Variants in FANCM observed in about 807,000 individuals in gnomAD.
FANCM encodes FA complementation group M.
A neutral mutation model predicts 199.5 loss-of-function variants in FANCM; 140 were observed. The observed-to-expected ratio is 0.70, with a 90% CI of 0.61 to 0.81. The LOEUF is 0.81. Among genes scored for constraint, FANCM ranks in the 30% least tolerant of loss-of-function variants. The pLI is 0.00. For synonymous variants in FANCM, 840 were observed against 836.8 expected, an observed-to-expected ratio of 1.00 and a Z score of -0.07; for missense variants, 2,410 against 2,421.4, an observed-to-expected ratio of 1.00 and a Z score of 0.10.
intron 18 of FANCM, among the ~76,000 whole-genome samples, chr14:45,186,062 T>G (rs1378202113): frequency 6.6e-6 from 1 of 152,158 alleles, no homozygotes; most frequent in Non-Finnish European, 1.5e-5. Flanking sequence ...CCAGTTAATT[T>G]TTTTGGCCTT....
At chr14:45,161,373 C>G (rs1306635814) in intron 9 of FANCM, among the ~76,000 whole-genome samples, 1 of 152,090 alleles carries the variant, frequency 6.6e-6, no homozygotes, top group Non-Finnish European at 1.5e-5. Context: ...GGGCCAGATC[C>G]TTTAGGGCCC....
At chr14:45,196,952 G>A (rs1360569857) in intron 21 of FANCM, among the ~76,000 whole-genome samples, 1 of 152,168 alleles carries the variant, frequency 6.6e-6, no homozygotes, top group African/African-American at 2.4e-5. Flanking sequence ...TAGTGGTACT[G>A]TTTATTGCAA....
chr14:45,185,931 C>G (rs1889372681), intron 18 of FANCM, among the ~76,000 whole-genome samples: 1 of 151,132 alleles, frequency 6.6e-6, no homozygotes, highest in African/African-American at 2.4e-5. Flanking sequence ...CAGAGTCTTA[C>G]TCTGTTGCCC....
Position 45,200,651 on chromosome 14 carries a change from G to A in FANCM, c.*643G>A, listed in dbSNP as rs1405921405. The A allele has an allele frequency of 6.6e-6, 1 of 152,252 alleles. No homozygotes were observed. The highest frequency in any genetic ancestry group is 2.4e-5 in the African/African-American group (1 of 41,444). The allele number at this position is 152,252 out of a possible 1,614,324, so 9.4% of individuals were successfully genotyped here. ...TGAATTATAATCCCAATATATTGGG[G>A]AGGGACCTCCTGGAACGTGATTAGC... is the stretch of plus-strand genomic sequence containing the variant. On this transcript the variant is annotated 3_prime_UTR_variant, in exon 23 of 23. Coordinates refer to ENST00000267430, the MANE Select transcript of FANCM (RefSeq NM_020937.4).
intron 12 of FANCM, among the ~76,000 whole-genome samples, chr14:45,172,631 A>T (rs1002816939): frequency 2.6e-5 from 4 of 152,208 alleles, no homozygotes; most frequent in African/African-American, 9.7e-5. Flanking sequence ...TTTTGAAATT[A>T]TATTTAAAAC....
chr14:45,142,500 G>C (rs1159700930), intron 3 of FANCM, among the ~76,000 whole-genome samples: 1 of 151,746 alleles, frequency 6.6e-6, no homozygotes, highest in Non-Finnish European at 1.5e-5. Context: ...TAGAGACAAG[G>C]TTTCACTATG....
At chr14:45,168,204 T>C (rs1427162027) in intron 11 of FANCM, among the ~76,000 whole-genome samples, 1 of 152,184 alleles carries the variant, frequency 6.6e-6, no homozygotes, top group African/African-American at 2.4e-5. Context: ...TTGTTAATGT[T>C]CTTTCCCTTA....
chr14:45,142,277 C>G (rs1886023064), intron 3 of FANCM, among the ~76,000 whole-genome samples: 1 of 151,548 alleles, frequency 6.6e-6, no homozygotes, highest in Non-Finnish European at 1.5e-5. Context: ...GCTTCTTAGT[C>G]CCTTCTAATC....
chr14:45,167,029 A>G lies in FANCM; in HGVS notation c.1868A>G (p.Gln623Arg), dbSNP rs767309069. Reference sequence around the variant, plus strand: ...AACAGGCAGGTCCTTCATTTTTACCAAAGAAGTCCACGAATGGTTCCTGAT... The same window carrying G: ...AACAGGCAGGTCCTTCATTTTTACCGAAGAAGTCCACGAATGGTTCCTGAT... ...SSNRQVLHFYQRSPRMVPDGI... is the reference protein window; with the variant it reads ...SSNRQVLHFYRRSPRMVPDGI... Residue 623 changes from glutamine (Q) to arginine (R), a missense_variant, in exon 11 of 23, where the codon CAA (glutamine) becomes CGA (arginine). Physicochemically the swap from Gln to Arg is conservative, Grantham distance 43. Transcript: ENST00000267430. 5 of 1,612,156 alleles carry G rather than the reference A, an allele frequency of 3.1e-6. No individual in the cohort carries two copies. Among genetic ancestry groups the G allele is most frequent in the African/African-American group, 1.3e-5 (1 of 75,016 alleles).
intron 2 of FANCM, among the ~76,000 whole-genome samples, chr14:45,139,613 A>G (rs564639888): frequency 1.8e-4 from 28 of 152,322 alleles, no homozygotes; most frequent in South Asian, 4.1e-4. Flanking sequence ...GAAATGTTTT[A>G]GGATTTAAAA....
At chr14:45,165,083 T>A (rs1887872256) in intron 10 of FANCM, among the ~76,000 whole-genome samples, 1 of 152,218 alleles carries the variant, frequency 6.6e-6, no homozygotes, top group Non-Finnish European at 1.5e-5. Flanking sequence ...GAACTTGAGT[T>A]ATATTCATAC....
chr14:45,166,795 A>G (rs1888008910), intron 10 of FANCM, among the ~76,000 whole-genome samples, 155 bp from the exon 11 acceptor site: 2 of 152,016 alleles, frequency 1.3e-5, no homozygotes, highest in South Asian at 4.1e-4. Flanking sequence ...AAAAAAAAAA[A>G]ATTCAAGACA....
chr14:45,175,902 G>A lies in FANCM; in HGVS notation c.3148G>A (p.Glu1050Lys). The part of the protein sequence containing the change: ...HSAVNSQQNL[E>K]LNSLKCINYP... ...AGCTGTGAATTCTCAACAGAATTTA[G>A]AATTGAATTCACTTAAATGTATAAA... Residue 1050 changes from glutamate to lysine, a missense_variant, in exon 14 of 23, where the codon GAA becomes AAA. Physicochemically the swap from Glu to Lys is moderately conservative, Grantham distance 56. Coordinates refer to ENST00000267430, the MANE Select transcript of FANCM (RefSeq NM_020937.4). 1 of 1,613,246 alleles carries A rather than the reference G, an allele frequency of 6.2e-7. No individual in the cohort carries two copies. The highest frequency in any genetic ancestry group is 1.1e-5 in the South Asian group (1 of 91,034).
intron 3 of FANCM, among the ~76,000 whole-genome samples, chr14:45,144,790 G>T (rs1490787188): frequency 6.6e-6 from 1 of 152,156 alleles, no homozygotes; most frequent in Non-Finnish European, 1.5e-5. Context: ...AAGAGTCAAG[G>T]CCTGGAATCA....
At chr14:45,181,616 T>TA (rs1203778104) in intron 15 of FANCM, 21 bp from the exon 16 acceptor site, 1 of 1,595,458 alleles carries the variant, frequency 6.3e-7, no homozygotes, top group Non-Finnish European at 8.6e-7. Flanking sequence ...TGTTGCCTTT[T>TA]ACTTTATTTA....
In FANCM at chr14:45,137,199, T is replaced by C. The variant is rs780953265; in HGVS notation, c.639T>C (p.Ile213=). 5 of 1,613,508 alleles carry C rather than the reference T, an allele frequency of 3.1e-6. No individual in the cohort carries two copies. In the African/African-American group the frequency reaches 6.7e-5, roughly 22 times the overall value. ...CTGCTGAAATAAAGTGTTTAGTTATTGATGAAGCTCATAAAGCTCTCGGAA... is the reference window on the plus strand; with the variant it reads ...CTGCTGAAATAAAGTGTTTAGTTATCGATGAAGCTCATAAAGCTCTCGGAA... ...CPAAEIKCLV[I]DEAHKALGNY... The change falls in exon 2 of 23, where the codon ATT becomes ATC. Residue 213 remains isoleucine (I), a synonymous_variant. Coordinates refer to ENST00000267430, the MANE Select transcript of FANCM (RefSeq NM_020937.4).
chr14:45,147,357 T>C (rs1886477345), intron 3 of FANCM, among the ~76,000 whole-genome samples: 1 of 151,778 alleles, frequency 6.6e-6, no homozygotes, highest in Admixed American at 6.6e-5. Flanking sequence ...TCACCCAGGC[T>C]GGAATACAGT....
chr14:45,189,682 T>G (rs1450540077), intron 20 of FANCM, among the ~76,000 whole-genome samples: 1 of 152,080 alleles, frequency 6.6e-6, no homozygotes, highest in Non-Finnish European at 1.5e-5. Flanking sequence ...CAGAGTTAGT[T>G]CCCTGGCCAG....
intron 6 of FANCM, 132 bp downstream of exon 6, chr14:45,154,184 T>C: frequency 1.6e-6 from 1 of 621,828 alleles, no homozygotes; most frequent in Non-Finnish European, 2.8e-6. Flanking sequence ...GTGGATCACT[T>C]GAGGTCAGGA....
Sources: allele counts gnomAD v4.1 joint callset (sites outside exome capture counted in the v4.1 genomes callset), GRCh38; gene constraint gnomAD v4.1.1; transcripts MANE v1.5; gene names NCBI Gene and HGNC (gene_info 2026-07-23, HGNC 2026-07-21).